Variants in LOC400499 observed in about 807,000 individuals in gnomAD.
At chr16:11,425,251 TCA>T in the LOC400499 span, 2 of 398,746 alleles carry the variant, frequency 5.0e-6, no homozygotes, top group Non-Finnish European at 8.8e-6. Context: ...GCCTGGGCCC[TCA>T]GGTTCCTCGT....
chr16:11,377,125 G>C, the LOC400499 span, among the ~76,000 whole-genome samples: 1 of 151,968 alleles, frequency 6.6e-6, no homozygotes, highest in Non-Finnish European at 1.5e-5. Flanking sequence ...GGCAGGAATT[G>C]TTTTCTTAAT....
the LOC400499 span, chr16:11,478,532 T>C: frequency 5.0e-6 from 2 of 399,040 alleles, no homozygotes; most frequent in Non-Finnish European, 8.8e-6. Context: ...GGAGCTACCT[T>C]CATGAGCTTG....
chr16:11,461,114 G>C, the LOC400499 span: 2 of 1,533,876 alleles, frequency 1.3e-6, no homozygotes, highest in Admixed American at 3.9e-5. Context: ...TTCCTCTCCA[G>C]CAGTGCTGCA....
chr16:11,475,403 G>A, the LOC400499 span, among the ~76,000 whole-genome samples: 1 of 152,230 alleles, frequency 6.6e-6, no homozygotes, highest in Admixed American at 6.5e-5. Flanking sequence ...ATAGACCACA[G>A]ATTGTTCTGT....
the LOC400499 span, among the ~76,000 whole-genome samples, chr16:11,505,399 G>C: frequency 9.0e-6 from 1 of 110,930 alleles, no homozygotes; most frequent in Non-Finnish European, 1.9e-5. Context: ...TAATACCTTT[G>C]TTTCTAATAT....
the LOC400499 span, among the ~76,000 whole-genome samples, chr16:11,406,061 G>C: frequency 2.6e-5 from 4 of 152,114 alleles, no homozygotes; most frequent in African/African-American, 9.7e-5. Context: ...GTGCATGTTT[G>C]TTACATAGGT....
the LOC400499 span, chr16:11,391,637 G>A: frequency 3.2e-6 from 4 of 1,231,992 alleles, no homozygotes; most frequent in South Asian, 4.1e-5. Flanking sequence ...TTTCCGCACA[G>A]GATTGAGCCC....
the LOC400499 span, chr16:11,385,545 C>T: frequency 1.8e-6 from 1 of 557,470 alleles, no homozygotes; most frequent in East Asian, 3.5e-5. Flanking sequence ...CCTGGATTCC[C>T]CCTCCCCTGG....
the LOC400499 span, among the ~76,000 whole-genome samples, chr16:11,383,449 G>GCCGT: frequency 6.6e-6 from 1 of 152,192 alleles, no homozygotes; most frequent in African/African-American, 2.4e-5. Context: ...AGGGCACTAG[G>GCCGT]CCATCCATGA....
chr16:11,504,580 G>A, the LOC400499 span, among the ~76,000 whole-genome samples: 1 of 151,718 alleles, frequency 6.6e-6, no homozygotes. Flanking sequence ...AGACGGATAC[G>A]TAGGTCGATA....
At chr16:11,387,731 C>T in the LOC400499 span, among the ~76,000 whole-genome samples, 1 of 152,110 alleles carries the variant, frequency 6.6e-6, no homozygotes, top group Non-Finnish European at 1.5e-5. Flanking sequence ...GGGTTTGTTT[C>T]TCCTGCCTCA....
the LOC400499 span, among the ~76,000 whole-genome samples, chr16:11,397,157 C>T: frequency 6.6e-6 from 1 of 152,230 alleles, no homozygotes; most frequent in African/African-American, 2.4e-5. Context: ...CCACTCCCTG[C>T]ACCTAGAACA....
chr16:11,445,089 TAAA>T, the LOC400499 span, among the ~76,000 whole-genome samples: 2 of 143,566 alleles, frequency 1.4e-5, no homozygotes, highest in Non-Finnish European at 3.0e-5. Context: ...ACTTTGTCTT[TAAA>T]AAAAAAAAAA....
chr16:11,501,049 G>A, the LOC400499 span: 1 of 397,912 alleles, frequency 2.5e-6, no homozygotes, highest in Non-Finnish European at 4.4e-6. Flanking sequence ...GTAAACTGAG[G>A]CTCAGAGAGG....
the LOC400499 span, chr16:11,391,704 A>G: frequency 6.3e-4 from 774 of 1,232,174 alleles, 3 homozygotes; most frequent in Non-Finnish European, 7.1e-4. Context: ...CCCCACCTGC[A>G]GCCACTCCAG....
the LOC400499 span, among the ~76,000 whole-genome samples, chr16:11,412,345 G>A: frequency 1.2e-4 from 19 of 152,170 alleles, no homozygotes; most frequent in Admixed American, 7.9e-4. Context: ...CTCTCACAGT[G>A]TCCTCCTCCC....
the LOC400499 span, among the ~76,000 whole-genome samples, chr16:11,462,840 G>T: frequency 1.3e-5 from 2 of 152,134 alleles, no homozygotes; most frequent in African/African-American, 4.8e-5. Flanking sequence ...CAGTCCATCA[G>T]GAACTTGAGT....
chr16:11,505,321 C>G, the LOC400499 span, among the ~76,000 whole-genome samples: 1 of 151,662 alleles, frequency 6.6e-6, no homozygotes, highest in African/African-American at 2.4e-5. Flanking sequence ...ATAAACATGA[C>G]TAACCTCTAA....
the LOC400499 span, among the ~76,000 whole-genome samples, chr16:11,437,588 C>G: frequency 6.6e-6 from 1 of 152,052 alleles, no homozygotes; most frequent in Non-Finnish European, 1.5e-5. Context: ...AATGTTTGAG[C>G]TGGGCACAGC....
Sources: gnomAD v4.1 joint callset for allele counts (sites outside exome capture counted in the v4.1 genomes callset) on GRCh38, gnomAD v4.1.1 for gene constraint, MANE v1.5 for transcripts.